XDH: variants seen among roughly 807,000 people sequenced by gnomAD.
XDH encodes xanthine dehydrogenase/oxidase.
A neutral mutation model predicts 156.1 loss-of-function variants in XDH; 138 were observed. The observed-to-expected ratio is 0.88, with a 90% CI of 0.77 to 1.02. The LOEUF (loss-of-function observed/expected upper bound fraction) is 1.02, where lower values mean the gene tolerates loss of function less well. Among genes scored for constraint, XDH ranks in the 50% least tolerant of loss-of-function variants. XDH has a pLI of 0.00. For synonymous variants in XDH, 669 were observed against 625.7 expected (o/e 1.07, Z -1.03); for missense variants, 1,849 against 1,684.9 (o/e 1.10, Z -1.71).
At chr2:31,381,965 C>T (rs568134816) in intron 11 of XDH, among the ~76,000 whole-genome samples, 1 of 152,278 alleles carries the variant, frequency 6.6e-6, no homozygotes, top group East Asian at 1.9e-4. Context: ...AGGCAAGCCC[C>T]TTTAAGTGTG....
In XDH at chr2:31,380,444, G is replaced by C. The variant is rs45541136; in HGVS notation, c.1133-468C>G. Among the ~76,000 whole-genome samples, 4 of 152,328 alleles carry C rather than the reference G, an allele frequency of 2.6e-5. No individual in the cohort carries two copies. The East Asian group carries it at 5.8e-4, about 22-fold the overall frequency. ...GCCTAAATTATCTGTACAATCAATA[G>C]TTTATGCTGAACCCCTGCTTTCCTT... On this transcript the variant is annotated intron_variant, in intron 12 of 35. Transcript: ENST00000379416.
chr2:31,388,383 C>T (rs1686673155), intron 6 of XDH, 88 bp from the exon 7 acceptor site: 4 of 1,451,062 alleles, frequency 2.8e-6, no homozygotes, highest in Non-Finnish European at 1.9e-6. Flanking sequence ...ATCCAGAACA[C>T]TCCAGCTCTG....
At chr2:31,379,120 G>A (rs1209454922) in intron 13 of XDH, among the ~76,000 whole-genome samples, 4 of 152,110 alleles carry the variant, frequency 2.6e-5, no homozygotes, top group African/African-American at 7.2e-5. Flanking sequence ...TTTCTGACAG[G>A]CCCTTTTGGA....
chr2:31,376,151 G>A (rs1387069659), intron 14 of XDH, among the ~76,000 whole-genome samples: 1 of 151,876 alleles, frequency 6.6e-6, no homozygotes, highest in Non-Finnish European at 1.5e-5. Context: ...AGCAATAGTA[G>A]CAATAACAGA....
chr2:31,391,359 A>G (rs13431382), intron 6 of XDH, among the ~76,000 whole-genome samples: 17,246 of 152,036 alleles, frequency 0.11, 1,323 homozygotes, highest in Middle Eastern at 0.21. Context: ...TTCTTTTTGT[A>G]GTATGGACAG....
Position 31,386,429 on chromosome 2 carries a change from C to T in XDH, c.778G>A (p.Gly260Arg). ...AQHPDAKLVV[G>R]NTEIGIEMKF... ...TGGCCCTTACCAATCTCCGTGTTCCCCACGACCAGCTTGGCGTCAGGGTGC... is the reference window on the plus strand; with the variant it reads ...TGGCCCTTACCAATCTCCGTGTTCCTCACGACCAGCTTGGCGTCAGGGTGC... Residue 260 changes from glycine (G) to arginine (R), a missense_variant, in exon 9 of 36, where the codon GGG (glycine) becomes AGG (arginine). Physicochemically the swap from Gly to Arg is moderately radical, Grantham distance 125 (BLOSUM62 -2). Coordinates refer to ENST00000379416, the MANE Select transcript of XDH (RefSeq NM_000379.4). 2 of 1,613,514 alleles carry T rather than the reference C, an allele frequency of 1.2e-6. No individual in the cohort carries two copies. The highest frequency in any genetic ancestry group is 1.7e-6 in the Non-Finnish European group (2 of 1,180,030).
chr2:31,411,955 G>A lies in XDH; in HGVS notation c.42+2670C>T, dbSNP rs1446271657. Among the ~76,000 whole-genome samples the A allele has an allele frequency of 7.4e-5, 10 of 135,722 alleles. No individual in the cohort carries two copies. In the East Asian group the frequency reaches 2.0e-3, roughly 28 times the overall value. 89.0% of individuals were successfully genotyped at this position (135,722 alleles called of 152,430 possible). On this transcript the variant is annotated intron_variant, in intron 1 of 35. Transcript: ENST00000379416. Reference sequence around the variant, plus strand: ...TGGGGAGTGAGCAAGTGAATGATGAGTAAGTGAGTGAGTGAGTGAGTGAGT... The same window carrying A: ...TGGGGAGTGAGCAAGTGAATGATGAATAAGTGAGTGAGTGAGTGAGTGAGT...
At position 31,404,130 on chromosome 2, in the gene XDH, A is replaced by C. The variant is rs45594838; in HGVS notation, c.101-986T>G. ...CAAGAGGTAACGTGGGCCACACAAGATGACACAGGAACACGTTACCCTGCC... is the reference window on the plus strand; with the variant it reads ...CAAGAGGTAACGTGGGCCACACAAGCTGACACAGGAACACGTTACCCTGCC... On this transcript the variant is annotated intron_variant, in intron 2 of 35. Coordinates refer to ENST00000379416, the MANE Select transcript of XDH (RefSeq NM_000379.4). Among the ~76,000 whole-genome samples the C allele has an allele frequency of 3.9e-3, 590 of 152,296 alleles. 3 individuals are homozygous for C. The highest frequency in any genetic ancestry group is 0.013 in the African/African-American group (529 of 41,574).
In XDH at chr2:31,342,181, A is replaced by T. The variant is rs1685141357; in HGVS notation, c.3519+2T>A. 1 of 1,613,746 alleles carries T rather than the reference A, an allele frequency of 6.2e-7. No individual in the cohort carries two copies. The highest frequency in any genetic ancestry group is 1.3e-5 in the African/African-American group (1 of 75,024). On this transcript the variant is annotated splice_donor_variant, in intron 32 of 35. Coordinates refer to ENST00000379416, the MANE Select transcript of XDH (RefSeq NM_000379.4). LOFTEE classifies it high-confidence loss of function. ...AGTACTAAAGTTTTGCAAACTTCTT[A>T]CCTTATGATCTCCTGTTAGGCAGTC...
At chr2:31,384,734 C>A (rs1686537631) in intron 9 of XDH, among the ~76,000 whole-genome samples, 1 of 152,162 alleles carries the variant, frequency 6.6e-6, no homozygotes, top group South Asian at 2.1e-4. Context: ...CTTTGTGGAT[C>A]CCCAGATTCC....
chr2:31,402,990 C>A (rs1488346998), intron 3 of XDH, 58 bp downstream of exon 3: 1 of 1,594,476 alleles, frequency 6.3e-7, no homozygotes, highest in Non-Finnish European at 8.6e-7. Flanking sequence ...CACTCCCTCA[C>A]AAGCTGGTCC....
intron 6 of XDH, among the ~76,000 whole-genome samples, chr2:31,396,535 T>C (rs991461930): frequency 3.3e-5 from 5 of 152,216 alleles, no homozygotes; most frequent in African/African-American, 1.2e-4. Context: ...TACTTAATTT[T>C]TATAAACACA....
At chr2:31,353,596 T>G (rs940697775) in intron 24 of XDH, among the ~76,000 whole-genome samples, 1 of 152,150 alleles carries the variant, frequency 6.6e-6, no homozygotes. Flanking sequence ...TATCCCAGAC[T>G]TGGGGCAGGA....
chr2:31,366,946 C>T lies in XDH; in HGVS notation c.2246G>A (p.Cys749Tyr), dbSNP rs755854585. Residue 749 changes from cysteine (C) to tyrosine (Y), a missense_variant, in exon 21 of 36, where the codon TGC becomes TAC. Transcript: ENST00000379416. The stretch of plus-strand genomic sequence containing the variant: ...CTCGCCTTTTGGAACAGCAATGGTG[C>T]AGTGAGTCTCCAGGTAGAAGTGCTC... ...GQEHFYLETHCTIAVPKGEAG... is the reference protein window; with the variant it reads ...GQEHFYLETHYTIAVPKGEAG... 66 of 1,614,008 alleles carry T rather than the reference C, an allele frequency of 4.1e-5. No homozygotes were observed. Among genetic ancestry groups the T allele is most frequent in the Admixed American group, 4.0e-4 (24 of 60,010 alleles).
At chr2:31,408,997 A>T (rs1048998136) in intron 1 of XDH, among the ~76,000 whole-genome samples, 1 of 152,236 alleles carries the variant, frequency 6.6e-6, no homozygotes, top group Non-Finnish European at 1.5e-5. Context: ...ACATGGATGG[A>T]TGGAGCTGGA....
rs1165056466 is a variant in XDH, at chr2:31,370,416, T to C, written c.1919A>G (p.Asp640Gly). 1 of 1,614,214 alleles carries C rather than the reference T, an allele frequency of 6.2e-7. No homozygotes were observed. Among genetic ancestry groups the C allele is most frequent in the South Asian group, 1.1e-5 (1 of 91,084 alleles). The change falls in exon 18 of 36, where the codon GAT (aspartate) becomes GGT (glycine). Residue 640 changes from aspartate (D) to glycine (G), a missense_variant. Transcript: ENST00000379416. The stretch of plus-strand genomic sequence containing the variant: ...TCCAGTTATGTTACTCCCAGGAACA[T>C]CATCAGCGGAAATGAAACAAACAAA... ...PGFVCFISAD[D>G]VPGSNITGIC... is the part of the protein sequence containing the mutation.
Position 31,335,297 on chromosome 2 carries a change from A to G in XDH, c.*661T>C, listed in dbSNP as rs912727809. 1.9e-5 allele frequency: 3 copies of G among 154,662 alleles called. No individual in the cohort carries two copies. The highest frequency in any genetic ancestry group is 4.8e-5 in the African/African-American group (2 of 41,458). The allele number at this position is 154,662 out of a possible 1,614,324, so 9.6% of individuals were successfully genotyped here. On this transcript the variant is annotated 3_prime_UTR_variant, in exon 36 of 36. Coordinates refer to ENST00000379416, the MANE Select transcript of XDH (RefSeq NM_000379.4). ...TCTCTTCAAAGAGGAAGGGAAAGAAATCTAGAACATTGTACGTGCTCAATA... is the reference window on the plus strand; with the variant it reads ...TCTCTTCAAAGAGGAAGGGAAAGAAGTCTAGAACATTGTACGTGCTCAATA...
intron 24 of XDH, among the ~76,000 whole-genome samples, chr2:31,363,339 T>C (rs1685826581): frequency 6.6e-6 from 1 of 152,112 alleles, no homozygotes; most frequent in African/African-American, 2.4e-5. Context: ...AAAACATAGA[T>C]GAACCTACAA....
intron 18 of XDH, among the ~76,000 whole-genome samples, chr2:31,369,187 G>A (rs1045377568): frequency 6.6e-6 from 1 of 152,044 alleles, no homozygotes; most frequent in Middle Eastern, 3.2e-3. Context: ...AAGGCTGTAA[G>A]CATCAATATA....
Sources: allele counts gnomAD v4.1 joint callset (sites outside exome capture counted in the v4.1 genomes callset), GRCh38; gene constraint gnomAD v4.1.1; transcripts MANE v1.5; gene names NCBI Gene and HGNC (gene_info 2026-07-23, HGNC 2026-07-21).